DIAPH3: variants seen among roughly 807,000 people sequenced by gnomAD.
DIAPH3 encodes the protein diaphanous related formin 3.
A neutral mutation model predicts 144.3 loss-of-function variants in DIAPH3; 117 were observed. That is an observed-to-expected ratio of 0.81 (90% CI 0.70 to 0.95). The LOEUF is 0.95. DIAPH3 is among the 40% of genes least tolerant of loss of function. The pLI is 0.00. For missense variants in DIAPH3, 1,421 were observed against 1,412.7 expected, an observed-to-expected ratio of 1.01 and a Z score of -0.09; for synonymous variants, 519 against 488.9, an observed-to-expected ratio of 1.06 and a Z score of -0.81.
chr13:60,122,577 C>T (rs2058874868), intron 2 of DIAPH3, among the ~76,000 whole-genome samples: 1 of 152,062 alleles, frequency 6.6e-6, no homozygotes, highest in Admixed American at 6.5e-5. Flanking sequence ...TCCTATCTTC[C>T]AGGCCTGGAA....
chr13:60,068,116 T>A (rs2057046202), intron 4 of DIAPH3, among the ~76,000 whole-genome samples: 1 of 152,192 alleles, frequency 6.6e-6, no homozygotes, highest in South Asian at 2.1e-4. Context: ...CACTTCACCA[T>A]CTCCTTTTGT....
chr13:59,852,942 A>C (rs1371866052), intron 22 of DIAPH3, among the ~76,000 whole-genome samples: 3 of 152,310 alleles, frequency 2.0e-5, no homozygotes, highest in African/African-American at 7.2e-5. Flanking sequence ...ACTATAAGAA[A>C]CATGGAGAAT....
At chr13:60,081,544 G>A (rs755144189) in intron 4 of DIAPH3, among the ~76,000 whole-genome samples, 4 of 151,948 alleles carry the variant, frequency 2.6e-5, no homozygotes, top group Admixed American at 6.6e-5. Flanking sequence ...CAGCAATACA[G>A]TTTTGAAAAC....
chr13:59,741,519 G>C (rs994841147), intron 27 of DIAPH3, among the ~76,000 whole-genome samples: 4 of 152,082 alleles, frequency 2.6e-5, no homozygotes, highest in Non-Finnish European at 5.9e-5. Context: ...CACTTTGGGA[G>C]GCTGAGAAGG....
At chr13:59,948,045 A>G (rs1228937940) in intron 17 of DIAPH3, among the ~76,000 whole-genome samples, 1 of 152,208 alleles carries the variant, frequency 6.6e-6, no homozygotes, top group East Asian at 1.9e-4. Context: ...CAGGCACTCA[A>G]CAGACACAGT....
At chr13:60,091,466 T>C (rs1291265380) in intron 4 of DIAPH3, among the ~76,000 whole-genome samples, 1 of 152,062 alleles carries the variant, frequency 6.6e-6, no homozygotes, top group South Asian at 2.1e-4. Flanking sequence ...CCCAGCTAAT[T>C]TTTATATCTT....
chr13:59,862,360 A>G (rs2043646907), intron 21 of DIAPH3, among the ~76,000 whole-genome samples: 1 of 152,226 alleles, frequency 6.6e-6, no homozygotes, highest in African/African-American at 2.4e-5. Flanking sequence ...AGATGATCAG[A>G]TATACATTTT....
chr13:59,680,484 C>T (rs1194037695), intron 27 of DIAPH3, among the ~76,000 whole-genome samples: 1 of 151,982 alleles, frequency 6.6e-6, no homozygotes, highest in Admixed American at 6.6e-5. Context: ...ACAATTAGAC[C>T]AGCAGAACTT....
intron 4 of DIAPH3, among the ~76,000 whole-genome samples, chr13:60,048,565 T>C (rs925448801): frequency 1.3e-5 from 2 of 152,056 alleles, no homozygotes; most frequent in African/African-American, 4.8e-5. Context: ...GGAACTCTTC[T>C]ACACTACTGG....
intron 27 of DIAPH3, among the ~76,000 whole-genome samples, chr13:59,716,969 A>T (rs1300112808): frequency 6.6e-6 from 1 of 152,166 alleles, no homozygotes; most frequent in Non-Finnish European, 1.5e-5. Flanking sequence ...TAGTAAGAAT[A>T]AAAAAATCTC....
chr13:60,142,249 G>A (rs973575508), intron 1 of DIAPH3, among the ~76,000 whole-genome samples: 3 of 152,174 alleles, frequency 2.0e-5, no homozygotes. Context: ...AAGGTAGGGA[G>A]GAAGGTCTGT....
At position 59,980,777 on chromosome 13, in the gene DIAPH3, T is replaced by A; in HGVS notation, c.1545+18A>T. ...TGGTTCCCCACAGAATACTATAAAG[T>A]TAGTGAAAACTACTTACTTTCTTGT... On this transcript the variant is annotated intron_variant, in intron 14 of 27. Coordinates refer to ENST00000400324, the MANE Select transcript of DIAPH3 (RefSeq NM_001042517.2). The A allele has an allele frequency of 6.2e-7, 1 of 1,601,762 alleles. No individual in the cohort carries two copies. Among genetic ancestry groups the A allele is most frequent in the Non-Finnish European group, 8.5e-7 (1 of 1,170,272 alleles).
At chr13:59,780,126 A>G (rs566520786) in intron 25 of DIAPH3, among the ~76,000 whole-genome samples, 3 of 151,994 alleles carry the variant, frequency 2.0e-5, no homozygotes, top group African/African-American at 7.2e-5. Flanking sequence ...TGCATATGGT[A>G]CTGTGTGCCA....
chr13:59,914,398 C>T (rs181179195), intron 19 of DIAPH3, among the ~76,000 whole-genome samples: 1 of 151,776 alleles, frequency 6.6e-6, no homozygotes, highest in African/African-American at 2.4e-5. Context: ...TTAGAAATAC[C>T]CAAGGCTGGT....
intron 17 of DIAPH3, among the ~76,000 whole-genome samples, chr13:59,955,578 C>T (rs1247282142): frequency 3.9e-5 from 6 of 152,094 alleles, no homozygotes; most frequent in Admixed American, 2.6e-4. Context: ...AGAGTGGGCG[C>T]TGCTGTAAAG....
At chr13:59,679,655 C>T (rs2032838706) in intron 27 of DIAPH3, among the ~76,000 whole-genome samples, 1 of 152,218 alleles carries the variant, frequency 6.6e-6, no homozygotes, top group African/African-American at 2.4e-5. Context: ...ATTTCACATA[C>T]ATCCTCTTAA....
chr13:59,696,374 G>GT (rs1459417898), intron 27 of DIAPH3, among the ~76,000 whole-genome samples: 1 of 152,214 alleles, frequency 6.6e-6, no homozygotes, highest in Non-Finnish European at 1.5e-5. Context: ...TATGATTACA[G>GT]TATAAGAACA....
intron 27 of DIAPH3, among the ~76,000 whole-genome samples, chr13:59,730,959 T>C (rs1242165675): frequency 6.6e-6 from 1 of 152,162 alleles, no homozygotes; most frequent in Non-Finnish European, 1.5e-5. Context: ...CCTGCTAATT[T>C]CTCTAACTGC....
intron 5 of DIAPH3, 21 bp from the exon 6 acceptor site, chr13:60,016,166 A>T (rs1403914849): frequency 6.2e-7 from 1 of 1,608,872 alleles, no homozygotes. Flanking sequence ...GAAAAAAGAC[A>T]GTTACACATT....
Sources: allele counts gnomAD v4.1 joint callset (sites outside exome capture counted in the v4.1 genomes callset), GRCh38; gene constraint gnomAD v4.1.1; transcripts MANE v1.5; gene names NCBI Gene and HGNC (gene_info 2026-07-23, HGNC 2026-07-21).